Variants in CDC42BPA observed in about 807,000 individuals in gnomAD.
The protein encoded by CDC42BPA is CDC42 binding protein kinase alpha.
In CDC42BPA, 80 loss-of-function variants were observed where a neutral mutation model predicts 223.5. The ratio of observed to expected loss-of-function variants is 0.36; its 90% CI spans 0.30 to 0.43. The LOEUF is 0.43. CDC42BPA is among the 20% of genes least tolerant of loss of function. The pLI is 1.00. For synonymous variants in CDC42BPA, 694 were observed against 718.6 expected, an observed-to-expected ratio of 0.97 and a Z score of 0.55; for missense variants, 1,743 against 2,099.9, an observed-to-expected ratio of 0.83 and a Z score of 3.32.
rs1258461889 is a variant in CDC42BPA, at chr1:227,317,298, A to G, written c.-116T>C. 3 of 1,085,630 alleles carry G rather than the reference A, an allele frequency of 2.8e-6. No individual in the cohort carries two copies. Among genetic ancestry groups the G allele is most frequent in the East Asian group, 2.5e-5 (1 of 40,158 alleles). 67.2% of individuals were successfully genotyped at this position (1,085,630 alleles called of 1,614,324 possible). On this transcript the variant is annotated 5_prime_UTR_variant, in exon 1 of 37. Coordinates refer to ENST00000366766, the MANE Select transcript of CDC42BPA (RefSeq NM_001394014.1). ...AAATAAACCACTTGTTATTCAAACA[A>G]CTGTCATGCAATGCTGGTGCTGAAT...
intron 2 of CDC42BPA, chr1:227,234,912 AT>A (rs34238023): frequency 0.061 from 8,989 of 146,568 alleles, 256 homozygotes; most frequent in South Asian, 0.085. Flanking sequence ...AGATTTTGTG[AT>A]TTTTTTTTTT....
intron 15 of CDC42BPA, among the ~76,000 whole-genome samples, chr1:227,094,963 C>T (rs1205566587): frequency 6.6e-6 from 1 of 152,184 alleles, no homozygotes; most frequent in Admixed American, 6.5e-5. Flanking sequence ...TGAGAGGGCA[C>T]ATTAGCATCC....
At chr1:227,299,926 C>T (rs768808656) in intron 1 of CDC42BPA, among the ~76,000 whole-genome samples, 1 of 152,144 alleles carries the variant, frequency 6.6e-6, no homozygotes, top group Non-Finnish European at 1.5e-5. Flanking sequence ...ACGTCATTCT[C>T]GTCCTCTGAA....
intron 1 of CDC42BPA, among the ~76,000 whole-genome samples, chr1:227,272,801 A>G (rs1441958690): frequency 7.4e-6 from 1 of 135,750 alleles, no homozygotes; most frequent in Non-Finnish European, 1.6e-5. Flanking sequence ...TGAACAGAAT[A>G]ATTATTTTTT....
chr1:227,075,706 G>A (rs1679326421), intron 17 of CDC42BPA, among the ~76,000 whole-genome samples: 1 of 151,976 alleles, frequency 6.6e-6, no homozygotes, highest in Admixed American at 6.6e-5. Context: ...GAATAAATTG[G>A]GATGAAGGAA....
chr1:227,044,144 G>A (rs1302656864), intron 23 of CDC42BPA, among the ~76,000 whole-genome samples: 4 of 152,264 alleles, frequency 2.6e-5, no homozygotes, highest in South Asian at 4.2e-4. Context: ...TCAGGATTTC[G>A]TCTTCTGGGA....
intron 32 of CDC42BPA, among the ~76,000 whole-genome samples, chr1:227,021,849 C>T (rs943783375): frequency 1.3e-5 from 2 of 151,842 alleles, no homozygotes; most frequent in African/African-American, 4.8e-5. Flanking sequence ...GAAACCCCGT[C>T]TCTACTAAAA....
chr1:227,260,601 A>G (rs745673415), intron 1 of CDC42BPA, among the ~76,000 whole-genome samples: 6 of 151,236 alleles, frequency 4.0e-5, no homozygotes, highest in Non-Finnish European at 5.9e-5. Context: ...AGGCAGAGGC[A>G]TAAGTGAGAA....
In CDC42BPA at chr1:227,074,358, G is replaced by A. The variant is rs746965448; in HGVS notation, c.2487C>T (p.Ser829=). ...AQITEIIQWV[S]DEKDARGYLQ... The stretch of plus-strand genomic sequence containing the variant: ...GATACCCTCGTGCATCCTTTTCATC[G>A]CTGACCCTAGAATATATAAAGACAA... Residue 829 remains serine, a synonymous_variant, in exon 18 of 37, where the codon AGC becomes AGT. Transcript: ENST00000366766. 1.0e-4 allele frequency: 168 copies of A among 1,609,874 alleles called. 1 individual carries two copies. Among genetic ancestry groups the A allele is most frequent in the South Asian group, 6.1e-4 (55 of 90,810 alleles).
chr1:227,016,905 ATAC>A lies in CDC42BPA; in HGVS notation c.4739+19_4739+21del. ...TTGATGGTACAAGCAAGCATGGATG[ATAC>A]TACAGGTTAAGTATCTACCTCCTCT... On this transcript the variant is annotated intron_variant, in intron 33 of 36. Coordinates refer to ENST00000366766, the MANE Select transcript of CDC42BPA (RefSeq NM_001394014.1). 1 of 1,604,272 alleles carries A rather than the reference ATAC, an allele frequency of 6.2e-7. No homozygotes were observed. The highest frequency in any genetic ancestry group is 8.5e-7 in the Non-Finnish European group (1 of 1,175,750).
chr1:226,997,757 G>A (rs577685343), intron 35 of CDC42BPA, among the ~76,000 whole-genome samples: 20 of 152,242 alleles, frequency 1.3e-4, no homozygotes, highest in Admixed American at 5.9e-4. Context: ...GTAGTTGTGC[G>A]GTTTTGAGTG....
chr1:227,163,763 C>G (rs886216703), intron 5 of CDC42BPA, among the ~76,000 whole-genome samples: 10 of 149,396 alleles, frequency 6.7e-5, no homozygotes, highest in African/African-American at 2.5e-4. Flanking sequence ...ATATAAAATA[C>G]TAATGTAGTC....
chr1:227,006,777 A>G (rs1202138319), intron 34 of CDC42BPA, among the ~76,000 whole-genome samples: 2 of 152,170 alleles, frequency 1.3e-5, no homozygotes, highest in South Asian at 4.1e-4. Context: ...TCTACTATAA[A>G]TACAAAAAAA....
chr1:227,310,853 AT>A (rs34400893), intron 1 of CDC42BPA, among the ~76,000 whole-genome samples: 45,965 of 148,052 alleles, frequency 0.31, 7,206 homozygotes, highest in East Asian at 0.37. Context: ...CGCCCGGCTA[AT>A]TTTTTTTTTT....
intron 1 of CDC42BPA, among the ~76,000 whole-genome samples, chr1:227,267,888 G>A (rs924436303): frequency 2.6e-5 from 4 of 152,026 alleles, no homozygotes; most frequent in Non-Finnish European, 5.9e-5. Flanking sequence ...AATGAGATTC[G>A]GGTGGGGACA....
At chr1:227,264,641 T>C (rs1684672682) in intron 1 of CDC42BPA, 2 of 533,056 alleles carry the variant, frequency 3.8e-6, no homozygotes, top group South Asian at 2.4e-5. Context: ...CATTAATTAA[T>C]GTTGCCCTAA....
At chr1:227,205,283 A>AAAAT (rs1376021292) in intron 3 of CDC42BPA, among the ~76,000 whole-genome samples, 20 of 122,768 alleles carry the variant, frequency 1.6e-4, no homozygotes, top group African/African-American at 6.4e-4. Context: ...AAAAAAAAAA[A>AAAAT]ATATATATAT....
intron 2 of CDC42BPA, among the ~76,000 whole-genome samples, chr1:227,237,045 C>CAAAAA (rs11447987): frequency 1.1e-3 from 90 of 84,238 alleles, no homozygotes; most frequent in South Asian, 1.7e-3. Flanking sequence ...CCGGTCTCCA[C>CAAAAA]AAAAAAAAAA....
chr1:227,019,576 C>G (rs1666983425), intron 32 of CDC42BPA, among the ~76,000 whole-genome samples: 1 of 152,190 alleles, frequency 6.6e-6, no homozygotes, highest in Non-Finnish European at 1.5e-5. Flanking sequence ...CTATCTGTGG[C>G]AGCTATGGCC....
Sources: allele counts gnomAD v4.1 joint callset (sites outside exome capture counted in the v4.1 genomes callset), GRCh38; gene constraint gnomAD v4.1.1; transcripts MANE v1.5; gene names NCBI Gene and HGNC (gene_info 2026-07-23, HGNC 2026-07-21).